Variants in DPP10 observed in about 807,000 individuals in gnomAD.
DPP10 encodes inactive dipeptidyl peptidase 10.
DPP10 carries 33 observed loss-of-function variants against 120.9 expected under a neutral mutation model. The observed-to-expected ratio is 0.27, with a 90% CI of 0.21 to 0.37. The LOEUF (loss-of-function observed/expected upper bound fraction) is 0.37, where lower values mean the gene tolerates loss of function less well. DPP10 is among the 10% of genes least tolerant of loss of function. The probability of loss-of-function intolerance (pLI) is 1.00; values close to 1 mark genes in which losing one functional copy is unlikely to be tolerated. For missense variants in DPP10, 816 were observed against 942.8 expected, an observed-to-expected ratio of 0.87 and a Z score of 1.76; for synonymous variants, 337 against 326.1, an observed-to-expected ratio of 1.03 and a Z score of -0.36.
At chr2:115,599,843 G>T (rs985793521) in intron 5 of DPP10, among the ~76,000 whole-genome samples, 1 of 95,178 alleles carries the variant, frequency 1.1e-5, no homozygotes, top group Non-Finnish European at 2.1e-5. Flanking sequence ...GTGCATTGTA[G>T]CTCACATCTC....
intron 1 of DPP10, chr2:114,461,906 A>T: frequency 1.0e-6 from 1 of 985,410 alleles, no homozygotes; most frequent in Non-Finnish European, 1.2e-6. Flanking sequence ...GGGAGATGAG[A>T]GCTGCGTGGA....
intron 1 of DPP10, among the ~76,000 whole-genome samples, chr2:115,214,417 G>A (rs1327361288): frequency 6.6e-6 from 1 of 152,174 alleles, no homozygotes; most frequent in Admixed American, 6.5e-5. Context: ...GTATGAAATT[G>A]TTAAACTCTG....
At chr2:115,533,318 C>T (rs888635427) in intron 5 of DPP10, among the ~76,000 whole-genome samples, 3 of 152,032 alleles carry the variant, frequency 2.0e-5, no homozygotes, top group South Asian at 4.1e-4. Flanking sequence ...ACAAATCAAC[C>T]GTAGCTGGGC....
chr2:115,524,347 G>C (rs1431321052), intron 4 of DPP10, among the ~76,000 whole-genome samples: 1 of 152,096 alleles, frequency 6.6e-6, no homozygotes, highest in East Asian at 1.9e-4. Context: ...GCTCGGACAA[G>C]AGCTATTCTT....
chr2:114,955,958 G>T (rs1027290758), intron 1 of DPP10, among the ~76,000 whole-genome samples: 1 of 151,942 alleles, frequency 6.6e-6, no homozygotes, highest in African/African-American at 2.4e-5. Context: ...CATGATAAAG[G>T]CCATATATGA....
chr2:115,176,912 T>A (rs1273932430), intron 1 of DPP10, among the ~76,000 whole-genome samples: 1 of 152,210 alleles, frequency 6.6e-6, no homozygotes, highest in Non-Finnish European at 1.5e-5. Flanking sequence ...CCTTAGGCAA[T>A]GCACTGTGAG....
chr2:115,542,981 G>A (rs535495692), intron 5 of DPP10, among the ~76,000 whole-genome samples: 12 of 151,878 alleles, frequency 7.9e-5, no homozygotes, highest in East Asian at 1.9e-4. Flanking sequence ...TTCCATTTAC[G>A]AAATGTTGTG....
intron 4 of DPP10, among the ~76,000 whole-genome samples, chr2:115,502,283 T>A (rs893332768): frequency 2.0e-5 from 3 of 152,144 alleles, no homozygotes; most frequent in African/African-American, 4.8e-5. Context: ...AATACTTTTT[T>A]AAAAATGAAA....
chr2:115,332,675 G>A (rs1408714518), intron 2 of DPP10, among the ~76,000 whole-genome samples: 1 of 152,082 alleles, frequency 6.6e-6, no homozygotes. Flanking sequence ...CCTTCATTTT[G>A]TTATGTACCC....
At chr2:115,102,395 T>G (rs2048733292) in intron 1 of DPP10, among the ~76,000 whole-genome samples, 1 of 150,788 alleles carries the variant, frequency 6.6e-6, no homozygotes, top group African/African-American at 2.5e-5. Context: ...GGGAGGGGTT[T>G]TTTGTTTGTT....
At chr2:115,293,340 C>G (rs1041451465) in intron 1 of DPP10, among the ~76,000 whole-genome samples, 7 of 152,066 alleles carry the variant, frequency 4.6e-5, no homozygotes, top group African/African-American at 1.7e-4. Context: ...GTTTCCTTAT[C>G]CATTCATTTC....
chr2:115,026,663 T>C (rs1363002935), intron 1 of DPP10, among the ~76,000 whole-genome samples: 1 of 151,918 alleles, frequency 6.6e-6, no homozygotes, highest in East Asian at 1.9e-4. Context: ...AGCCTCCCAG[T>C]GTAGCTGGGA....
chr2:115,527,636 T>G (rs1282030047), intron 5 of DPP10, among the ~76,000 whole-genome samples: 1 of 152,082 alleles, frequency 6.6e-6, no homozygotes, highest in Non-Finnish European at 1.5e-5. Flanking sequence ...TATAAAGAAT[T>G]CTTAAAAATG....
chr2:115,372,365 T>C (rs1320342457), intron 3 of DPP10, among the ~76,000 whole-genome samples: 2 of 151,242 alleles, frequency 1.3e-5, no homozygotes, highest in Non-Finnish European at 2.9e-5. Flanking sequence ...GAGCATCTCT[T>C]AAGAGAGTGA....
Position 115,415,817 on chromosome 2 carries a change from T to A in DPP10, c.271+71905T>A, listed in dbSNP as rs538371549. Among the ~76,000 whole-genome samples the A allele has an allele frequency of 7.9e-5, 11 of 139,854 alleles. No homozygotes were observed. The South Asian group carries it at 2.3e-3, about 29-fold the overall frequency. 91.7% of individuals were successfully genotyped at this position (139,854 alleles called of 152,430 possible). ...AAATAAATCAGATTATGTAGATAGA[T>A]CTGTCTTTATACCTGATTTGCTTTT... On this transcript the variant is annotated intron_variant, in intron 3 of 25. Coordinates refer to ENST00000410059, the MANE Select transcript of DPP10 (RefSeq NM_020868.6).
chr2:114,616,570 T>C (rs1488441566), intron 1 of DPP10, among the ~76,000 whole-genome samples: 3 of 152,108 alleles, frequency 2.0e-5, no homozygotes, highest in Non-Finnish European at 4.4e-5. Context: ...GAGAACAACA[T>C]AAATGCTGTT....
intron 7 of DPP10, among the ~76,000 whole-genome samples, chr2:115,723,240 C>T (rs111238959): frequency 0.021 from 3,160 of 152,170 alleles, 103 homozygotes; most frequent in African/African-American, 0.071. Context: ...TATGTGTCGG[C>T]GAGATTACTG....
chr2:114,533,342 T>A (rs1455400180), intron 1 of DPP10, among the ~76,000 whole-genome samples: 1 of 152,148 alleles, frequency 6.6e-6, no homozygotes, highest in Admixed American at 6.5e-5. Context: ...TTATTAAGTA[T>A]TATTATTATT....
chr2:114,506,205 C>T (rs539640938), intron 1 of DPP10, among the ~76,000 whole-genome samples: 2 of 152,142 alleles, frequency 1.3e-5, no homozygotes, highest in Admixed American at 6.5e-5. Flanking sequence ...ATAAAAACCC[C>T]AGAACTCAGC....
Sources: allele counts gnomAD v4.1 joint callset (sites outside exome capture counted in the v4.1 genomes callset), GRCh38; gene constraint gnomAD v4.1.1; transcripts MANE v1.5; gene names NCBI Gene and HGNC (gene_info 2026-07-23, HGNC 2026-07-21).